The following DNTTIP1 variants were observed in gnomAD, a reference collection of about 807,000 sequenced individuals.
DNTTIP1 encodes deoxynucleotidyltransferase terminal interacting protein 1, also known as deoxynucleotidyltransferase terminal-interacting protein 1.
DNTTIP1 carries 22 observed loss-of-function variants against 52.9 expected under a neutral mutation model. The ratio of observed to expected loss-of-function variants is 0.42; its 90% CI spans 0.30 to 0.59. The LOEUF (loss-of-function observed/expected upper bound fraction) is 0.59, where lower values mean the gene tolerates loss of function less well. DNTTIP1 is among the 20% of genes least tolerant of loss of function. The probability of loss-of-function intolerance (pLI) is 0.22; values close to 1 mark genes in which losing one functional copy is unlikely to be tolerated. For missense variants in DNTTIP1, 286 were observed against 435.5 expected, an observed-to-expected ratio of 0.66 and a Z score of 3.06; for synonymous variants, 136 against 155.1, an observed-to-expected ratio of 0.88 and a Z score of 0.92.
At chr20:45,796,573 T>C in intron 4 of DNTTIP1, 2 of 471,046 alleles carry the variant, frequency 4.2e-6, no homozygotes, top group Non-Finnish European at 8.8e-6. Context: ...TATAAATGAC[T>C]GTTCCCAAGA....
Position 45,800,694 on chromosome 20 carries a change from AATATATATATATAT to A in DNTTIP1, c.373-331_373-318del, listed in dbSNP as rs1158615012. On this transcript the variant is annotated intron_variant, in intron 4 of 12. Transcript: ENST00000372622. ...CATCTCAATTTAAAAAAAAAAAAAA[AATATATATATATAT>A]ATATATATATATATATATATATATA... Among the ~76,000 whole-genome samples, 55 of 16,402 alleles carry A rather than the reference AATATATATATATAT, an allele frequency of 3.4e-3. 4 individuals are homozygous for A. The highest frequency in any genetic ancestry group is 0.01 in the Admixed American group (10 of 972). 10.8% of individuals were successfully genotyped at this position (16,402 alleles called of 152,430 possible).
rs2145695531 is a variant in DNTTIP1 at position 45,792,757 on chromosome 20, G to T, written c.176+10G>T. ...CACAGATGACAACAAGGTAAGGCTG[G>T]CCCTGCATGGGGCTTATATCCCAGC... On this transcript the variant is annotated intron_variant, in intron 2 of 12. Transcript: ENST00000372622. The T allele has an allele frequency of 1.9e-6, 3 of 1,607,162 alleles. No individual in the cohort carries two copies. Among genetic ancestry groups the T allele is most frequent in the Non-Finnish European group, 2.5e-6 (3 of 1,177,294 alleles).
chr20:45,792,834 T>G, intron 2 of DNTTIP1, 87 bp downstream of exon 2: 1 of 1,213,104 alleles, frequency 8.2e-7, no homozygotes, highest in Non-Finnish European at 1.1e-6. Flanking sequence ...GCTATGGAGA[T>G]CTACAGCCGG....
At chr20:45,794,988 C>T (rs1474362606) in intron 3 of DNTTIP1, among the ~76,000 whole-genome samples, 12 of 151,620 alleles carry the variant, frequency 7.9e-5, no homozygotes, top group East Asian at 2.0e-4. Context: ...TTAGTAGAGA[C>T]GGGGTTTCAC....
chr20:45,792,033 C>G lies in DNTTIP1; in HGVS notation c.29C>G (p.Pro10Arg), dbSNP rs754420145. Residue 10 changes from proline to arginine, a missense_variant, in exon 1 of 13, where the codon CCG (proline) becomes CGG (arginine). Around this residue, in one of 2 missense-constraint regions of DNTTIP1, gnomAD observed 208 missense variants for 266.5 expected, o/e 0.78. Transcript: ENST00000372622. MGATGDAEQ[P>R]RGPSGAERGG... ...GGAGCCACTGGCGACGCCGAGCAGC[C>G]GCGGGGACCTAGCGGGGCCGAGAGG... 7.8e-7 allele frequency: 1 copy of G among 1,275,838 alleles called. No individual in the cohort carries two copies. The allele number at this position is 1,275,838 out of a possible 1,614,324, so 79.0% of individuals were successfully genotyped here. A position where few individuals can be genotyped will look rare whatever the true frequency, so the allele number is the denominator to read the frequency against.
rs1981765148 is a variant in DNTTIP1, at chr20:45,809,760, C to T, written c.795+575C>T. On this transcript the variant is annotated intron_variant, in intron 11 of 12. Transcript: ENST00000372622. The surrounding 1 kb of genome is among the most constrained non-coding windows in gnomAD (Gnocchi z 4.2). ...GGCTTTGTCCATCACACACAATGTC[C>T]CCCACCTGAGGACTCACTCACTCCC... is the stretch of plus-strand genomic sequence containing the variant. Among the ~76,000 whole-genome samples the T allele has an allele frequency of 1.3e-5, 2 of 152,174 alleles. No individual in the cohort carries two copies. Among genetic ancestry groups the T allele is most frequent in the Admixed American group, 1.3e-4 (2 of 15,272 alleles).
chr20:45,800,124 A>AAAAAAAG (rs1037810724), intron 4 of DNTTIP1, among the ~76,000 whole-genome samples: 7 of 151,894 alleles, frequency 4.6e-5, no homozygotes, highest in African/African-American at 7.3e-5. Context: ...CATGTCAAAA[A>AAAAAAAG]AAAAAAGAAA....
chr20:45,802,537 G>T (rs538418248), intron 7 of DNTTIP1, among the ~76,000 whole-genome samples: 14 of 152,044 alleles, frequency 9.2e-5, no homozygotes, highest in African/African-American at 3.1e-4. Context: ...TGAGAGGAAG[G>T]TACAGACATA....
At chr20:45,805,086 T>C (rs1828749840) in intron 8 of DNTTIP1, 60 bp from the exon 9 acceptor site, 3 of 1,439,288 alleles carry the variant, frequency 2.1e-6, no homozygotes, top group African/African-American at 1.4e-5. Flanking sequence ...GGGAGGAGTG[T>C]TTCTGTCCTA....
intron 10 of DNTTIP1, among the ~76,000 whole-genome samples, chr20:45,807,987 AT>A (rs895179266): frequency 3.8e-4 from 57 of 149,726 alleles, no homozygotes; most frequent in Admixed American, 2.3e-3. Context: ...TCACTCCTCG[AT>A]TTTTTTTTTA....
chr20:45,803,217 G>A, intron 7 of DNTTIP1, 116 bp from the exon 8 acceptor site: 1 of 978,866 alleles, frequency 1.0e-6, no homozygotes, highest in Non-Finnish European at 1.6e-6. Context: ...CCACGAAGGA[G>A]GATGTCCAGG....
chr20:45,795,075 G>A (rs1981191468), intron 3 of DNTTIP1, among the ~76,000 whole-genome samples: 1 of 152,106 alleles, frequency 6.6e-6, no homozygotes. Context: ...TGGGATTACA[G>A]GTGTGAGCCA....
intron 4 of DNTTIP1, among the ~76,000 whole-genome samples, chr20:45,795,848 G>A (rs1465731457): frequency 6.6e-6 from 1 of 152,128 alleles, no homozygotes; most frequent in African/African-American, 2.4e-5. Flanking sequence ...GGTATTTTGG[G>A]GAATGCCCAG....
At chr20:45,792,483 T>A in intron 1 of DNTTIP1, 194 bp from the exon 2 acceptor site, 1 of 513,218 alleles carries the variant, frequency 1.9e-6, no homozygotes, top group Non-Finnish European at 3.5e-6. Context: ...GGTCGGGACT[T>A]TTAAGGCAGG....
chr20:45,804,692 A>C (rs946957873), intron 8 of DNTTIP1, among the ~76,000 whole-genome samples: 2 of 152,192 alleles, frequency 1.3e-5, no homozygotes, highest in African/African-American at 4.8e-5. Flanking sequence ...TAGTTTCTCC[A>C]GCAGGCCAAG....
Position 45,809,061 on chromosome 20 carries a change from T to A in DNTTIP1, c.724-53T>A. On this transcript the variant is annotated intron_variant, in intron 10 of 12. Transcript: ENST00000372622. The surrounding 1 kb of genome is among the most constrained non-coding windows in gnomAD (Gnocchi z 4.2). ...GCCAAGAGTATGCTCTGGGACCAAATGAGAAAAGCCCCTTACCCGAGGCTA... is the reference window on the plus strand; with the variant it reads ...GCCAAGAGTATGCTCTGGGACCAAAAGAGAAAAGCCCCTTACCCGAGGCTA... The A allele has an allele frequency of 1.3e-6, 2 of 1,524,762 alleles. No individual in the cohort carries two copies. Among genetic ancestry groups the A allele is most frequent in the East Asian group, 4.5e-5 (2 of 44,466 alleles). The allele number at this position is 1,524,762 out of a possible 1,614,324, so 94.5% of individuals were successfully genotyped here.
rs1481209353 is a variant in DNTTIP1 at position 45,811,229 on chromosome 20, C to T, written c.*34C>T. ...CCCCTGGCCACACTTGGCAGCCCTCCTCCAAAGCCCTCTTCCTCACGTGGC... is the reference window on the plus strand; with the variant it reads ...CCCCTGGCCACACTTGGCAGCCCTCTTCCAAAGCCCTCTTCCTCACGTGGC... On this transcript the variant is annotated 3_prime_UTR_variant, in exon 13 of 13. Coordinates refer to ENST00000372622, the MANE Select transcript of DNTTIP1 (RefSeq NM_052951.3). 2 of 1,574,196 alleles carry T rather than the reference C, an allele frequency of 1.3e-6. No homozygotes were observed. Among genetic ancestry groups the T allele is most frequent in the African/African-American group, 2.7e-5 (2 of 73,732 alleles).
intron 11 of DNTTIP1, 39 bp from the exon 12 acceptor site, chr20:45,810,846 G>A (rs1403720230): frequency 6.3e-7 from 1 of 1,593,600 alleles, no homozygotes; most frequent in Non-Finnish European, 8.6e-7. Context: ...GGAGTGAAAT[G>A]AATCAGGCAA....
intron 4 of DNTTIP1, among the ~76,000 whole-genome samples, chr20:45,797,359 A>C: frequency 1.3e-5 from 2 of 152,216 alleles, no homozygotes; most frequent in Non-Finnish European, 2.9e-5. Context: ...TAAATGTTAG[A>C]CCTAAAACCA....
Sources: gnomAD v4.1 joint callset for allele counts (sites outside exome capture counted in the v4.1 genomes callset) on GRCh38, gnomAD v4.1.1 for gene constraint, gnomAD v4.1.1 regional missense constraint, Gnocchi (gnomAD v3.1) non-coding constraint, MANE v1.5 for transcripts, NCBI Gene and HGNC (gene_info 2026-07-23, HGNC 2026-07-21) for gene names.